TNIK: variants seen among roughly 807,000 people sequenced by gnomAD.
The protein encoded by TNIK is TRAF2 and NCK-interacting protein kinase.
In TNIK, 49 loss-of-function variants were observed where a neutral mutation model predicts 191.3. The ratio of observed to expected loss-of-function variants is 0.26; its 90% CI spans 0.20 to 0.32. The LOEUF (loss-of-function observed/expected upper bound fraction) is 0.32, where lower values mean the gene tolerates loss of function less well. Ranked by LOEUF, TNIK falls within the 10% of genes least tolerant of loss-of-function variation. The pLI, the probability that TNIK is intolerant of heterozygous loss-of-function variation, is 1.00. For synonymous variants in TNIK, 594 were observed against 600.9 expected, an observed-to-expected ratio of 0.99 and a Z score of 0.17; for missense variants, 1,155 against 1,702.3, an observed-to-expected ratio of 0.68 and a Z score of 5.66.
Position 171,246,310 on chromosome 3 carries a change from T to G in TNIK, c.124-18089A>C, listed in dbSNP as rs372173872. Among the ~76,000 whole-genome samples, 126 of 152,244 alleles carry G rather than the reference T, an allele frequency of 8.3e-4. 4 individuals carry two copies. The South Asian group carries it at 0.024, about 28-fold the overall frequency. On this transcript the variant is annotated intron_variant, in intron 2 of 32. Transcript: ENST00000436636. The stretch of plus-strand genomic sequence containing the variant: ...ATAAAAAAAAAAAAATGCCTTTCTA[T>G]TCATACTTCAAAACAAAACAGATTC...
intron 1 of TNIK, among the ~76,000 whole-genome samples, chr3:171,428,139 G>A (rs867029984): frequency 1.3e-5 from 2 of 152,152 alleles, no homozygotes; most frequent in South Asian, 2.1e-4. Context: ...GCTTTATTAG[G>A]ATCACTTTAG....
chr3:171,177,747 A>G (rs994839556), intron 7 of TNIK, among the ~76,000 whole-genome samples: 2 of 152,224 alleles, frequency 1.3e-5, no homozygotes, highest in Admixed American at 6.5e-5. Context: ...ACACCATTTG[A>G]TAAGGTATGA....
At chr3:171,104,638 T>TTTAGAAAC (rs1724385277) in intron 21 of TNIK, among the ~76,000 whole-genome samples, 1 of 152,048 alleles carries the variant, frequency 6.6e-6, no homozygotes, top group Non-Finnish European at 1.5e-5. Flanking sequence ...TAGGTCCCTT[T>TTTAGAAAC]TTAGAAACAA....
rs141160238 is a variant in TNIK at position 171,194,514 on chromosome 3, T to A, written c.417+11A>T. On this transcript the variant is annotated intron_variant, in intron 5 of 32. Coordinates refer to ENST00000436636, the MANE Select transcript of TNIK (RefSeq NM_015028.4). ...CTTTGGGAGGTGGGCCAGTCCCCAC[T>A]CGTAACCTACCCGTAAGATTTCCCT... 6.2e-7 allele frequency: 1 copy of A among 1,612,908 alleles called. No individual in the cohort carries two copies. The highest frequency in any genetic ancestry group is 1.3e-5 in the African/African-American group (1 of 75,022).
intron 2 of TNIK, among the ~76,000 whole-genome samples, chr3:171,275,972 A>C (rs1749695400): frequency 6.6e-6 from 1 of 151,976 alleles, no homozygotes; most frequent in Admixed American, 6.6e-5. Context: ...CTACAAAGGA[A>C]TAGGAATTAG....
intron 18 of TNIK, among the ~76,000 whole-genome samples, chr3:171,114,044 CTCTT>C (rs1726305165): frequency 1.3e-5 from 2 of 148,866 alleles, no homozygotes; most frequent in East Asian, 3.9e-4. Context: ...TTCTATAAAG[CTCTT>C]TCTTTGAAAT....
chr3:171,214,418 A>G (rs1174415511), intron 3 of TNIK, among the ~76,000 whole-genome samples: 2 of 152,314 alleles, frequency 1.3e-5, no homozygotes, highest in Middle Eastern at 3.4e-3. Flanking sequence ...TGTAGCACCT[A>G]TCAGAATTGC....
chr3:171,347,796 C>A (rs1304968242), intron 2 of TNIK, among the ~76,000 whole-genome samples: 1 of 152,072 alleles, frequency 6.6e-6, no homozygotes, highest in Non-Finnish European at 1.5e-5. Context: ...CCTCTTAATA[C>A]CAAGGAAACC....
chr3:171,260,627 A>C (rs1747483149), intron 2 of TNIK, among the ~76,000 whole-genome samples: 1 of 152,204 alleles, frequency 6.6e-6, no homozygotes, highest in African/African-American at 2.4e-5. Flanking sequence ...TTGAGAAAAC[A>C]AGGGGTTTGA....
chr3:171,211,067 CGT>C, intron 4 of TNIK, 47 bp downstream of exon 4: 1 of 1,597,270 alleles, frequency 6.3e-7, no homozygotes, highest in Non-Finnish European at 8.5e-7. Flanking sequence ...ACCATTTGGC[CGT>C]GTTTGTTTTT....
At chr3:171,319,213 G>GA (rs1754940912) in intron 2 of TNIK, among the ~76,000 whole-genome samples, 1 of 151,842 alleles carries the variant, frequency 6.6e-6, no homozygotes, top group South Asian at 2.1e-4. Flanking sequence ...AAAATTACAT[G>GA]CAAAAACACC....
At chr3:171,427,862 T>G (rs933125132) in intron 1 of TNIK, among the ~76,000 whole-genome samples, 1 of 152,046 alleles carries the variant, frequency 6.6e-6, no homozygotes, top group African/African-American at 2.4e-5. Flanking sequence ...ACTTAAAAGA[T>G]GACATGTGAA....
chr3:171,225,523 A>G (rs999949888), intron 3 of TNIK: 1 of 455,720 alleles, frequency 2.2e-6, no homozygotes, highest in African/African-American at 2.0e-5. Context: ...TTGCATGTAA[A>G]ATGGCCTTAC....
intron 17 of TNIK, among the ~76,000 whole-genome samples, chr3:171,125,625 G>A (rs184387309): frequency 6.6e-6 from 1 of 152,142 alleles, no homozygotes; most frequent in Non-Finnish European, 1.5e-5. Context: ...AATATGGATA[G>A]CAAAATGACA....
At chr3:171,351,853 C>A (rs1043483423) in intron 2 of TNIK, among the ~76,000 whole-genome samples, 1 of 152,186 alleles carries the variant, frequency 6.6e-6, no homozygotes, top group African/African-American at 2.4e-5. Context: ...CCTCTCAGTT[C>A]CCAGGAGAAC....
chr3:171,458,060 C>G (rs1341345934), intron 1 of TNIK, among the ~76,000 whole-genome samples: 1 of 152,086 alleles, frequency 6.6e-6, no homozygotes, highest in Non-Finnish European at 1.5e-5. Flanking sequence ...GACTGCTTTC[C>G]AGTAGAGGAG....
At chr3:171,285,017 C>A (rs2108212037) in intron 2 of TNIK, among the ~76,000 whole-genome samples, 1 of 152,316 alleles carries the variant, frequency 6.6e-6, no homozygotes, top group South Asian at 2.1e-4. Flanking sequence ...TTAAAACCTT[C>A]TTTCCTTGAG....
chr3:171,349,026 GA>G (rs35412267), intron 2 of TNIK, among the ~76,000 whole-genome samples: 38,716 of 146,894 alleles, frequency 0.26, 5,480 homozygotes, highest in East Asian at 0.53. Context: ...GATGAACTTG[GA>G]AAAAAAAAAA....
chr3:171,413,105 T>C (rs1722617405), intron 1 of TNIK, among the ~76,000 whole-genome samples: 1 of 152,204 alleles, frequency 6.6e-6, no homozygotes, highest in Admixed American at 6.5e-5. Flanking sequence ...AGGGAAACAA[T>C]GTGCATTTTC....
Sources: allele counts gnomAD v4.1 joint callset (sites outside exome capture counted in the v4.1 genomes callset), GRCh38; gene constraint gnomAD v4.1.1; transcripts MANE v1.5; gene names NCBI Gene and HGNC (gene_info 2026-07-23, HGNC 2026-07-21).